The following ENPP2 variants were observed in gnomAD, a reference collection of about 807,000 sequenced individuals.
The protein encoded by ENPP2 is ectonucleotide pyrophosphatase/phosphodiesterase 2.
Under a neutral mutation model 120.2 loss-of-function variants are expected in ENPP2, and 51 were observed. That is an observed-to-expected ratio of 0.42 (90% confidence interval 0.34 to 0.54). The LOEUF is 0.54. ENPP2 is among the 20% of genes least tolerant of loss of function. The pLI, the probability that ENPP2 is intolerant of heterozygous loss-of-function variation, is 0.04. For synonymous variants in ENPP2, 365 were observed against 366.4 expected (o/e 1.00, Z 0.04); for missense variants, 920 against 1,066.5 (o/e 0.86, Z 1.91).
At chr8:119,647,269 A>G (rs1385956208) in intron 1 of ENPP2, among the ~76,000 whole-genome samples, 1 of 152,152 alleles carries the variant, frequency 6.6e-6, no homozygotes, top group Admixed American at 6.5e-5. Flanking sequence ...TGCTAAGATT[A>G]CAGGGGTGAG....
chr8:119,567,087 AG>A (rs1276509955), intron 22 of ENPP2, among the ~76,000 whole-genome samples: 2 of 152,178 alleles, frequency 1.3e-5, no homozygotes, highest in Non-Finnish European at 2.9e-5. Context: ...CAGCCCTGAG[AG>A]TTACATAACA....
chr8:119,669,109 G>A (rs762219747), intron 1 of ENPP2, among the ~76,000 whole-genome samples: 8 of 152,160 alleles, frequency 5.3e-5, no homozygotes, highest in Non-Finnish European at 1.0e-4. Context: ...CTTATATTAT[G>A]CCTTTATAGA....
At chr8:119,590,921 A>C (rs948966168) in intron 12 of ENPP2, among the ~76,000 whole-genome samples, 5 of 151,352 alleles carry the variant, frequency 3.3e-5, no homozygotes, top group African/African-American at 1.2e-4. Flanking sequence ...AGACAAAGGA[A>C]GTCACCATGA....
chr8:119,669,001 C>T (rs1464072907), intron 1 of ENPP2, among the ~76,000 whole-genome samples: 1 of 152,184 alleles, frequency 6.6e-6, no homozygotes, highest in African/African-American at 2.4e-5. Flanking sequence ...CATCTCTGCA[C>T]ACATACACCC....
chr8:119,653,171 G>A (rs762966066), intron 1 of ENPP2, among the ~76,000 whole-genome samples: 1 of 152,176 alleles, frequency 6.6e-6, no homozygotes, highest in African/African-American at 2.4e-5. Flanking sequence ...AAACTGGACA[G>A]CATTAAGAGA....
At chr8:119,577,043 C>A (rs544808800) in intron 19 of ENPP2, among the ~76,000 whole-genome samples, 1 of 152,246 alleles carries the variant, frequency 6.6e-6, no homozygotes, top group African/African-American at 2.4e-5. Context: ...TTGGAACATG[C>A]AGCTTTTACT....
intron 19 of ENPP2, among the ~76,000 whole-genome samples, chr8:119,573,530 T>C (rs1383302638): frequency 1.3e-5 from 2 of 152,102 alleles, no homozygotes; most frequent in African/African-American, 4.8e-5. Flanking sequence ...ATTTGGGTTC[T>C]GGCCAGGCAT....
At chr8:119,572,367 T>C (rs1815070612) in intron 19 of ENPP2, 2 of 756,470 alleles carry the variant, frequency 2.6e-6, no homozygotes, top group Non-Finnish European at 4.5e-6. Context: ...TCTAATCGAT[T>C]CCATTAGGGG....
In ENPP2 at chr8:119,621,536, A is replaced by G; in HGVS notation, c.293-17T>C. 2 of 1,611,608 alleles carry G rather than the reference A, an allele frequency of 1.2e-6. No homozygotes were observed. Among genetic ancestry groups the G allele is most frequent in the South Asian group, 1.1e-5 (1 of 90,928 alleles). ...AGCCACGGGCTAAAATCATCCCAAT[A>G]AAACATTTTCACTGCTGCACACTAA... On this transcript the variant is annotated splice_polypyrimidine_tract_variant and intron_variant, in intron 3 of 24. Coordinates refer to ENST00000075322, the MANE Select transcript of ENPP2 (RefSeq NM_001040092.3).
chr8:119,617,719 C>T (rs147305264), intron 5 of ENPP2, among the ~76,000 whole-genome samples, 156 bp from the exon 6 acceptor site: 2,187 of 152,234 alleles, frequency 0.014, 29 homozygotes, highest in Middle Eastern at 0.02. Context: ...GAGTCCGAGG[C>T]GGGCTGATCA....
intron 15 of ENPP2, among the ~76,000 whole-genome samples, chr8:119,585,122 C>T (rs962409221): frequency 6.6e-6 from 1 of 152,116 alleles, no homozygotes; most frequent in Non-Finnish European, 1.5e-5. Flanking sequence ...TCCAAGCTGC[C>T]CCATACATAA....
intron 1 of ENPP2, among the ~76,000 whole-genome samples, chr8:119,659,334 A>AAAAAAAAACAAAC (rs58435393): frequency 3.8e-5 from 5 of 130,740 alleles, no homozygotes; most frequent in Admixed American, 1.6e-4. Flanking sequence ...AAAAAAAAAA[A>AAAAAAAAACAAAC]AAACCAGAGT....
chr8:119,637,766 C>T (rs1817089632), intron 2 of ENPP2, among the ~76,000 whole-genome samples: 2 of 152,290 alleles, frequency 1.3e-5, no homozygotes, highest in African/African-American at 2.4e-5. Flanking sequence ...TTTATAAGAA[C>T]ACTGTATGGG....
At chr8:119,565,581 T>G (rs1396181799) in intron 22 of ENPP2, among the ~76,000 whole-genome samples, 1 of 152,254 alleles carries the variant, frequency 6.6e-6, no homozygotes, top group African/African-American at 2.4e-5. Flanking sequence ...GCCAAAAGCC[T>G]AAGAGTCATC....
intron 8 of ENPP2, among the ~76,000 whole-genome samples, chr8:119,610,203 T>C (rs1052575619): frequency 6.6e-6 from 1 of 151,312 alleles, no homozygotes; most frequent in Non-Finnish European, 1.5e-5. Context: ...TAAAAAGCAG[T>C]GTCTTAGAAG....
intron 8 of ENPP2, among the ~76,000 whole-genome samples, chr8:119,608,597 A>C (rs1207837029): frequency 6.6e-6 from 1 of 152,220 alleles, no homozygotes; most frequent in African/African-American, 2.4e-5. Context: ...TATTCTTTAC[A>C]CCGTGTACTA....
At chr8:119,618,716 G>C (rs767280129) in intron 5 of ENPP2, among the ~76,000 whole-genome samples, 79 of 150,914 alleles carry the variant, frequency 5.2e-4, no homozygotes, top group African/African-American at 1.9e-3. Flanking sequence ...TTTTTTTTTA[G>C]TAGAGGCGGG....
At chr8:119,562,821 G>A (rs1814073791) in intron 24 of ENPP2, 36 bp downstream of exon 24, 4 of 1,596,606 alleles carry the variant, frequency 2.5e-6, no homozygotes, top group Admixed American at 3.4e-5. Context: ...GTGAACTATG[G>A]AAGCAAATCC....
intron 1 of ENPP2, among the ~76,000 whole-genome samples, chr8:119,662,392 T>C (rs952721777): frequency 2.0e-5 from 3 of 152,154 alleles, no homozygotes; most frequent in African/African-American, 7.2e-5. Context: ...TCTAGACCAA[T>C]GGGTCTCAAA....
Sources: gnomAD v4.1 joint callset for allele counts (sites outside exome capture counted in the v4.1 genomes callset) on GRCh38, gnomAD v4.1.1 for gene constraint, MANE v1.5 for transcripts, NCBI Gene and HGNC (gene_info 2026-07-23, HGNC 2026-07-21) for gene names.